PPM1L: variants seen among roughly 807,000 people sequenced by gnomAD.
The protein encoded by PPM1L is protein phosphatase 1L.
Under a neutral mutation model 31.4 loss-of-function variants are expected in PPM1L, and 13 were observed. That is an observed-to-expected ratio of 0.41 (90% CI 0.27 to 0.66). The LOEUF (loss-of-function observed/expected upper bound fraction) is 0.66, where lower values mean the gene tolerates loss of function less well. Among genes scored for constraint, PPM1L ranks in the 30% least tolerant of loss-of-function variants. The pLI is 0.29. For missense variants in PPM1L, 326 were observed against 453.7 expected (o/e 0.72, Z 2.56); for synonymous variants, 184 against 175.4 (o/e 1.05, Z -0.39).
intron 1 of PPM1L, among the ~76,000 whole-genome samples, chr3:160,781,657 C>T (rs559093806): frequency 2.0e-5 from 3 of 152,206 alleles, no homozygotes; most frequent in East Asian, 1.9e-4. Flanking sequence ...GCTGAAGGAC[C>T]GGCAACTTCT....
chr3:161,007,866 G>A (rs1440787808), intron 2 of PPM1L, among the ~76,000 whole-genome samples: 1 of 152,052 alleles, frequency 6.6e-6, no homozygotes, highest in African/African-American at 2.4e-5. Flanking sequence ...CAGCAGGGTA[G>A]GTAATAAGAG....
chr3:160,925,278 A>G (rs1714549354), intron 1 of PPM1L, among the ~76,000 whole-genome samples: 3 of 152,178 alleles, frequency 2.0e-5, no homozygotes, highest in Admixed American at 2.0e-4. Context: ...TTCTCATTCC[A>G]GTTTATACTG....
intron 1 of PPM1L, among the ~76,000 whole-genome samples, chr3:160,846,461 A>G (rs985529303): frequency 6.6e-6 from 1 of 152,138 alleles, no homozygotes; most frequent in Non-Finnish European, 1.5e-5. Flanking sequence ...TTTTCCAGTC[A>G]TGCTTTATAC....
rs1160985284 is a variant in PPM1L at position 160,950,554 on chromosome 3, G to T, written c.400-11182G>T. Among the ~76,000 whole-genome samples the T allele has an allele frequency of 2.0e-5, 3 of 152,110 alleles. No homozygotes were observed. The East Asian group carries it at 5.8e-4, about 29-fold the overall frequency. ...GGAGACAGAAGCCCAACTGGCATTC[G>T]TCTGGAGCTTCCCTGCCACCCTGGC... On this transcript the variant is annotated intron_variant, in intron 1 of 3. Transcript: ENST00000498165.
At chr3:160,765,957 C>T (rs1341066091) in intron 1 of PPM1L, among the ~76,000 whole-genome samples, 1 of 152,104 alleles carries the variant, frequency 6.6e-6, no homozygotes, top group African/African-American at 2.4e-5. Flanking sequence ...CCTGCGTTTT[C>T]ATTCTAGAAG....
intron 3 of PPM1L, 92 bp downstream of exon 3, chr3:161,065,656 A>G (rs1719716473): frequency 1.6e-6 from 2 of 1,256,862 alleles, no homozygotes; most frequent in African/African-American, 3.0e-5. Context: ...ATGTCCAGTT[A>G]TGCAGTATTA....
At chr3:160,776,862 G>A (rs1000049234) in intron 1 of PPM1L, among the ~76,000 whole-genome samples, 2 of 151,652 alleles carry the variant, frequency 1.3e-5, no homozygotes, top group South Asian at 4.2e-4. Flanking sequence ...GCCTCCCAAA[G>A]TGCTGGGATT....
chr3:160,847,603 TA>T, intron 1 of PPM1L, among the ~76,000 whole-genome samples: 2 of 152,114 alleles, frequency 1.3e-5, no homozygotes, highest in Non-Finnish European at 2.9e-5. Flanking sequence ...GCCTTGGAAA[TA>T]CCTGCAAAAA....
At chr3:161,057,778 C>T (rs1046058596) in intron 2 of PPM1L, among the ~76,000 whole-genome samples, 2 of 151,918 alleles carry the variant, frequency 1.3e-5, no homozygotes, top group Admixed American at 6.6e-5. Flanking sequence ...CAAGCCCCCC[C>T]GACTCCCTTT....
intron 1 of PPM1L, among the ~76,000 whole-genome samples, chr3:160,894,351 G>T (rs537939222): frequency 7.2e-5 from 11 of 152,110 alleles, no homozygotes; most frequent in Non-Finnish European, 1.3e-4. Context: ...AACACCATAT[G>T]TAACTGTTGG....
chr3:160,963,175 C>T (rs1009164797), intron 2 of PPM1L, among the ~76,000 whole-genome samples: 1 of 152,030 alleles, frequency 6.6e-6, no homozygotes, highest in Non-Finnish European at 1.5e-5. Flanking sequence ...AGTCCGCCCA[C>T]TTCTTGCCCC....
chr3:160,840,529 A>G (rs539457872), intron 1 of PPM1L, among the ~76,000 whole-genome samples: 90 of 152,228 alleles, frequency 5.9e-4, no homozygotes, highest in African/African-American at 2.1e-3. Flanking sequence ...ATGCAAGCTG[A>G]AGAACCCAGG....
At chr3:160,811,395 A>G (rs1315631014) in intron 1 of PPM1L, among the ~76,000 whole-genome samples, 2 of 152,266 alleles carry the variant, frequency 1.3e-5, no homozygotes, top group Non-Finnish European at 2.9e-5. Context: ...AGGGCTTGAC[A>G]AACTATGGCC....
At chr3:160,970,871 G>C (rs1046474790) in intron 2 of PPM1L, among the ~76,000 whole-genome samples, 1 of 143,516 alleles carries the variant, frequency 7.0e-6, no homozygotes, top group South Asian at 2.2e-4. Context: ...CTCACTGCAG[G>C]CTCCGCCCCC....
At position 160,850,229 on chromosome 3, in the gene PPM1L, G is replaced by A. The variant is rs555061502; in HGVS notation, c.399+93522G>A. 1.6e-4 allele frequency among the ~76,000 whole-genome samples: 25 copies of A among 152,284 alleles called. No homozygotes were observed. In the East Asian group the frequency reaches 4.6e-3, roughly 28 times the overall value. On this transcript the variant is annotated intron_variant, in intron 1 of 3. Coordinates refer to ENST00000498165, the MANE Select transcript of PPM1L (RefSeq NM_139245.4). ...GTTTAATACAAAGGATACAACCCAAGAACAGCCAGATGAAAGAGATTCATA... is the reference window on the plus strand; with the variant it reads ...GTTTAATACAAAGGATACAACCCAAAAACAGCCAGATGAAAGAGATTCATA...
At chr3:160,786,887 T>C (rs970745600) in intron 1 of PPM1L, among the ~76,000 whole-genome samples, 1 of 152,202 alleles carries the variant, frequency 6.6e-6, no homozygotes, top group African/African-American at 2.4e-5. Context: ...ATTAGGATAA[T>C]GGCCTCTAGC....
intron 1 of PPM1L, among the ~76,000 whole-genome samples, chr3:160,959,761 A>T (rs1270877552): frequency 6.6e-6 from 1 of 152,156 alleles, no homozygotes; most frequent in Non-Finnish European, 1.5e-5. Flanking sequence ...TGAACCCAGG[A>T]GGTGGAGGTT....
chr3:160,998,449 C>T (rs1167093727), intron 2 of PPM1L, among the ~76,000 whole-genome samples: 1 of 152,192 alleles, frequency 6.6e-6, no homozygotes, highest in East Asian at 1.9e-4. Flanking sequence ...GGTTCTTATC[C>T]ATGTCATTCT....
At chr3:161,006,462 A>G (rs1717708860) in intron 2 of PPM1L, among the ~76,000 whole-genome samples, 1 of 152,148 alleles carries the variant, frequency 6.6e-6, no homozygotes, top group African/African-American at 2.4e-5. Context: ...ACACTAATGA[A>G]CTGTGCACTT....
Sources: allele counts gnomAD v4.1 joint callset (sites outside exome capture counted in the v4.1 genomes callset), GRCh38; gene constraint gnomAD v4.1.1; transcripts MANE v1.5; gene names NCBI Gene and HGNC (gene_info 2026-07-23, HGNC 2026-07-21).